Variants in ZNF845 observed in about 807,000 individuals in gnomAD.
ZNF845 encodes the protein zinc finger protein 845.
Under a neutral mutation model 76.1 loss-of-function variants are expected in ZNF845, and 59 were observed. That is an observed-to-expected ratio of 0.78 (90% CI 0.63 to 0.96). The LOEUF (loss-of-function observed/expected upper bound fraction) is 0.96. ZNF845 is among the 40% of genes least tolerant of loss of function. The pLI, the probability that ZNF845 is intolerant of heterozygous loss-of-function variation, is 0.00. For synonymous variants in ZNF845, 361 were observed against 386.9 expected (o/e 0.93, Z 0.78); for missense variants, 1,045 against 1,172.8 (o/e 0.89, Z 1.59).
At position 53,353,886 on chromosome 19, in the gene ZNF845, C is replaced by G; in HGVS notation, c.*298C>G. 9.0e-7 allele frequency: 1 copy of G among 1,109,644 alleles called. No individual in the cohort carries two copies. Among genetic ancestry groups the G allele is most frequent in the South Asian group, 1.6e-5 (1 of 63,748 alleles). 68.7% of individuals were successfully genotyped at this position (1,109,644 alleles called of 1,614,324 possible). Reference sequence around the variant, plus strand: ...GTCTTCAGTAACACTACAACCGTTTCAAATCATTGGAGAATCCATAATGAG... The same window carrying G: ...GTCTTCAGTAACACTACAACCGTTTGAAATCATTGGAGAATCCATAATGAG... On this transcript the variant is annotated 3_prime_UTR_variant, in exon 4 of 4. Transcript: ENST00000458035.
Position 53,354,859 on chromosome 19 carries a change from G to A in ZNF845, c.*1271G>A, listed in dbSNP as rs541344588. On this transcript the variant is annotated 3_prime_UTR_variant, in exon 4 of 4. Coordinates refer to ENST00000458035, the MANE Select transcript of ZNF845 (RefSeq NM_138374.3). ...GGTTTATTAGTATCAGTAAAATCTT[G>A]GTTGATTCTTTGTGATTTTCTTTCT... 6.6e-6 allele frequency: 1 copy of A among 151,692 alleles called. No homozygotes were observed. Among genetic ancestry groups the A allele is most frequent in the African/African-American group, 2.4e-5 (1 of 41,294 alleles). 9.4% of individuals were successfully genotyped at this position (151,692 alleles called of 1,614,324 possible).
At position 53,355,599 on chromosome 19, in the gene ZNF845, A is replaced by G. The variant is rs2085380752; in HGVS notation, c.*2011A>G. ...TGTGAGCCATGAGCCCGGCCCCAAC[A>G]AATGTAATTTTACTTCTGTCTTTCT... On this transcript the variant is annotated 3_prime_UTR_variant, in exon 4 of 4. Transcript: ENST00000458035. 1 of 152,034 alleles carries G rather than the reference A, an allele frequency of 6.6e-6. No homozygotes were observed. Among genetic ancestry groups the G allele is most frequent in the South Asian group, 2.1e-4 (1 of 4,824 alleles). 9.4% of individuals were successfully genotyped at this position (152,034 alleles called of 1,614,324 possible).
rs201555868 is a variant in ZNF845, at chr19:53,341,656, A to G, written c.15+334A>G. 1.6e-4 allele frequency among the ~76,000 whole-genome samples: 25 copies of G among 152,254 alleles called. No homozygotes were observed. The East Asian group carries it at 4.5e-3, about 27-fold the overall frequency. On this transcript the variant is annotated intron_variant, in intron 2 of 3. Transcript: ENST00000458035. The stretch of plus-strand genomic sequence containing the variant: ...CTGGATGCACTGTCAGCTCTCTGTG[A>G]ACCAGGATTAGAGCAGCTGCCAATG...
intron 1 of ZNF845, among the ~76,000 whole-genome samples, chr19:53,336,116 G>A (rs1192763904): frequency 4.0e-5 from 6 of 151,788 alleles, no homozygotes; most frequent in Admixed American, 2.0e-4. Flanking sequence ...GGAGGCTGAG[G>A]CAGGAGAATC....
At chr19:53,340,245 T>C (rs1366104102) in intron 1 of ZNF845, among the ~76,000 whole-genome samples, 5 of 152,262 alleles carry the variant, frequency 3.3e-5, no homozygotes, top group Middle Eastern at 3.4e-3. Flanking sequence ...AGAGACAGGG[T>C]TTCACCATGT....
chr19:53,349,538 G>T (rs1010965549), intron 3 of ZNF845, among the ~76,000 whole-genome samples: 1 of 152,056 alleles, frequency 6.6e-6, no homozygotes, highest in Non-Finnish European at 1.5e-5. Flanking sequence ...AAAGTGTTGG[G>T]ATTACAGGCG....
At position 53,352,290 on chromosome 19, in the gene ZNF845, A is replaced by G. The variant is rs756213752; in HGVS notation, c.1615A>G (p.Thr539Ala). 3.1e-6 allele frequency: 5 copies of G among 1,613,706 alleles called. No individual in the cohort carries two copies. The highest frequency in any genetic ancestry group is 2.5e-6 in the Non-Finnish European group (3 of 1,179,854). The stretch of plus-strand genomic sequence containing the variant: ...GACCTTTAGTCGGAAGTCATCCCTT[A>G]CACGCCATTGTAGACTTCATACTGG... ...GKTFSRKSSL[T>A]RHCRLHTGEK... The change falls in exon 4 of 4, where the codon ACA (threonine) becomes GCA (alanine). Residue 539 changes from threonine (T) to alanine (A), a missense_variant. Transcript: ENST00000458035.
chr19:53,353,572 C>T lies in ZNF845; in HGVS notation c.2897C>T (p.Thr966Ile). The T allele has an allele frequency of 1.3e-6, 2 of 1,595,314 alleles. No individual in the cohort carries two copies. ...CTTGCACGTCATCATAGAATTCATA[C>T]TGGAAAGAAACATTAGAAATATGAA... ...AKLARHHRIH[T>I]GKKH The change falls in exon 4 of 4, where the codon ACT becomes ATT. Residue 966 changes from threonine to isoleucine, a missense_variant. Coordinates refer to ENST00000458035, the MANE Select transcript of ZNF845 (RefSeq NM_138374.3).
chr19:53,352,808 A>C lies in ZNF845; in HGVS notation c.2133A>C (p.Ala711=), dbSNP rs1363894674. The C allele has an allele frequency of 6.2e-7, 1 of 1,614,002 alleles. No individual in the cohort carries two copies. The highest frequency in any genetic ancestry group is 1.3e-5 in the African/African-American group (1 of 74,898). The change falls in exon 4 of 4, where the codon GCA becomes GCC. Residue 711 remains alanine (A), a synonymous_variant. Coordinates refer to ENST00000458035, the MANE Select transcript of ZNF845 (RefSeq NM_138374.3). ...ATTCAGCCCTTATAATTCACAAGGC[A>C]ATTCATACTGGAGAGAAACCTTACA... ...GRNSALIIHK[A]IHTGEKPYKC...
chr19:53,356,700 TGGGC>T lies in ZNF845; in HGVS notation c.*3115_*3118del, dbSNP rs2085388760. The T allele has an allele frequency of 1.3e-5, 2 of 151,968 alleles. No individual in the cohort carries two copies. The highest frequency in any genetic ancestry group is 4.8e-5 in the African/African-American group (2 of 41,376). The allele number at this position is 151,968 out of a possible 1,614,324, so 9.4% of individuals were successfully genotyped here. A position where few individuals can be genotyped will look rare whatever the true frequency, so the allele number is the denominator to read the frequency against. On this transcript the variant is annotated 3_prime_UTR_variant, in exon 4 of 4. Transcript: ENST00000458035. ...ATCCCAGCACTTTGGGAGGCTAAGG[TGGGC>T]GGATCACGAGGTCAGGAGATCGAGA...
chr19:53,352,930 G>A lies in ZNF845; in HGVS notation c.2255G>A (p.Cys752Tyr), dbSNP rs2085353355. The A allele has an allele frequency of 1.2e-6, 2 of 1,613,994 alleles. No homozygotes were observed. The highest frequency in any genetic ancestry group is 1.3e-5 in the African/African-American group (1 of 74,900). ...TGEKPYKCEE[C>Y]DKVFSRKSSL... ...GAGAAACCTTACAAATGTGAAGAAT[G>A]TGACAAAGTTTTCAGTCGCAAATCA... The change falls in exon 4 of 4, where the codon TGT becomes TAT. Residue 752 changes from cysteine (C) to tyrosine (Y), a missense_variant. Coordinates refer to ENST00000458035, the MANE Select transcript of ZNF845 (RefSeq NM_138374.3).
At chr19:53,344,645 T>G (rs1304160652) in intron 2 of ZNF845, among the ~76,000 whole-genome samples, 23 of 137,064 alleles carry the variant, frequency 1.7e-4, no homozygotes, top group Admixed American at 4.5e-4. Context: ...TTTATTTTAT[T>G]TTGGGATGGA....
rs923989813 is a variant in ZNF845 at position 53,356,325 on chromosome 19, C to A, written c.*2737C>A. ...GGCCCAGGCAGGTGGGTGACGTGAG[C>A]CTAGGGATTCAAGACCAGCCTGGGC... On this transcript the variant is annotated 3_prime_UTR_variant, in exon 4 of 4. Coordinates refer to ENST00000458035, the MANE Select transcript of ZNF845 (RefSeq NM_138374.3). 6.6e-6 allele frequency: 1 copy of A among 152,066 alleles called. No homozygotes were observed. The highest frequency in any genetic ancestry group is 1.5e-5 in the Non-Finnish European group (1 of 68,042). The allele number at this position is 152,066 out of a possible 1,614,324, so 9.4% of individuals were successfully genotyped here.
intron 2 of ZNF845, among the ~76,000 whole-genome samples, chr19:53,341,913 C>A (rs992946372): frequency 2.0e-5 from 3 of 152,042 alleles, no homozygotes; most frequent in Admixed American, 1.3e-4. Flanking sequence ...CAACCTGAAT[C>A]ATAGCAGGAG....
Position 53,352,608 on chromosome 19 carries a change from A to C in ZNF845, c.1933A>C (p.Ser645Arg), listed in dbSNP as rs148199925. 8 of 1,613,480 alleles carry C rather than the reference A, an allele frequency of 5.0e-6. No individual in the cohort carries two copies. Among genetic ancestry groups the C allele is most frequent in the African/African-American group, 1.3e-5 (1 of 74,840 alleles). Residue 645 changes from serine to arginine, a missense_variant, in exon 4 of 4, where the codon AGT becomes CGT. Physicochemically the swap from Ser to Arg is moderately radical, Grantham distance 110. Coordinates refer to ENST00000458035, the MANE Select transcript of ZNF845 (RefSeq NM_138374.3). The stretch of plus-strand genomic sequence containing the variant: ...ATGTGAAGAATGTGATGAAGCTTTC[A>C]GTTTCAAATCAAACCTTCAAAGACA... The part of the protein sequence containing the change: ...YKCEECDEAF[S>R]FKSNLQRHRR...
At chr19:53,338,220 T>G (rs1043898567) in intron 1 of ZNF845, among the ~76,000 whole-genome samples, 4 of 152,196 alleles carry the variant, frequency 2.6e-5, no homozygotes, top group Non-Finnish European at 5.9e-5. Flanking sequence ...CTGAACTTCC[T>G]GTGGCTATTT....
At chr19:53,338,877 G>A (rs1009641939) in intron 1 of ZNF845, among the ~76,000 whole-genome samples, 19 of 149,898 alleles carry the variant, frequency 1.3e-4, no homozygotes, top group African/African-American at 4.2e-4. Flanking sequence ...TCAGGAGTTC[G>A]AGACCAGCCT....
intron 1 of ZNF845, among the ~76,000 whole-genome samples, chr19:53,336,221 A>G (rs933116166): frequency 6.7e-6 from 1 of 148,944 alleles, no homozygotes; most frequent in African/African-American, 2.5e-5. Flanking sequence ...AAAAAAAAAA[A>G]AAAAGGAACA....
At position 53,353,305 on chromosome 19, in the gene ZNF845, A is replaced by G; in HGVS notation, c.2630A>G (p.His877Arg). Residue 877 changes from histidine (H) to arginine (R), a missense_variant, in exon 4 of 4, where the codon CAT becomes CGT. His to Arg is a conservative substitution (Grantham distance 29, BLOSUM62 0). Coordinates refer to ENST00000458035, the MANE Select transcript of ZNF845 (RefSeq NM_138374.3). The part of the protein sequence containing the change: ...VFNRKANLSR[H>R]HRLHTGEKPY... ...AATAGAAAAGCAAACCTTTCACGTC[A>G]TCATAGACTTCATACTGGAGAGAAA... is the stretch of plus-strand genomic sequence containing the variant. 4.3e-6 allele frequency: 7 copies of G among 1,613,914 alleles called. No homozygotes were observed. Among genetic ancestry groups the G allele is most frequent in the Non-Finnish European group, 5.9e-6 (7 of 1,179,844 alleles).
Sources: allele counts gnomAD v4.1 joint callset (sites outside exome capture counted in the v4.1 genomes callset), GRCh38; gene constraint gnomAD v4.1.1; transcripts MANE v1.5; gene names NCBI Gene and HGNC (gene_info 2026-07-23, HGNC 2026-07-21).